ANKK1: variants seen among roughly 807,000 people sequenced by gnomAD.
The protein encoded by ANKK1 is ankyrin repeat and kinase domain containing 1.
Under a neutral mutation model 37.6 loss-of-function variants are expected in ANKK1, and 37 were observed. The observed-to-expected ratio is 0.98, with a 90% CI of 0.76 to 1.29. The LOEUF is 1.29. ANKK1 is among the 50% of genes most tolerant of loss of function. The pLI, the probability that ANKK1 is intolerant of heterozygous loss-of-function variation, is 0.00. For missense variants in ANKK1, 1,019 were observed against 990.6 expected (o/e 1.03, Z -0.39); for synonymous variants, 415 against 418.7 (o/e 0.99, Z 0.11).
At chr11:113,393,354 C>CTTCCA in intron 1 of ANKK1, 127 bp from the exon 2 acceptor site, 2 of 985,628 alleles carry the variant, frequency 2.0e-6, no homozygotes, top group South Asian at 3.3e-5. Context: ...TCTTCCACTA[C>CTTCCA]CTTGCAAGCT....
rs779530025 is a variant in ANKK1, at chr11:113,399,712, G to A, written c.1743G>A (p.Arg581=). Residue 581 remains arginine (R), a synonymous_variant, in exon 8 of 8, where the codon AGG becomes AGA. Transcript: ENST00000303941. Reference sequence around the variant, plus strand: ...ACCTGATCTGCAAGATGCTGCTCAGGTACGGAGCCAGCCTTGAGCTGCCCA... The same window carrying A: ...ACCTGATCTGCAAGATGCTGCTCAGATACGGAGCCAGCCTTGAGCTGCCCA... The part of the protein sequence containing the change: ...GKYLICKMLL[R]YGASLELPTH... 21 of 1,598,764 alleles carry A rather than the reference G, an allele frequency of 1.3e-5. No homozygotes were observed. In the East Asian group the frequency reaches 4.8e-4, roughly 36 times the overall value.
Position 113,400,141 on chromosome 11 carries a change from G to T in ANKK1, c.2172G>T (p.Val724=), listed in dbSNP as rs1362991327. 1 of 1,607,530 alleles carries T rather than the reference G, an allele frequency of 6.2e-7. No individual in the cohort carries two copies. Among genetic ancestry groups the T allele is most frequent in the Admixed American group, 1.7e-5 (1 of 59,056 alleles). Residue 724 remains valine, a synonymous_variant, in exon 8 of 8, where the codon GTG becomes GTT. Transcript: ENST00000303941. The part of the protein sequence containing the change: ...AGAQLDVQDG[V]SCTPLQLALR... ...CCCAGCTGGACGTCCAGGATGGAGT[G>T]AGCTGCACACCCCTGCAACTGGCCC... is the stretch of plus-strand genomic sequence containing the variant.
rs761119338 is a variant in ANKK1 at position 113,393,814 on chromosome 11, A to G, written c.480+39A>G. 5 of 1,551,108 alleles carry G rather than the reference A, an allele frequency of 3.2e-6. No individual in the cohort carries two copies. The South Asian group carries it at 6.1e-5, about 19-fold the overall frequency. ...CCAATCCTCCGCTCCCTTTCACTTG[A>G]GGGTTGCCTCCAGGTGAGCAGAATT... On this transcript the variant is annotated intron_variant, in intron 2 of 7. Coordinates refer to ENST00000303941, the MANE Select transcript of ANKK1 (RefSeq NM_178510.2).
intron 1 of ANKK1, 143 bp downstream of exon 1, chr11:113,388,212 A>G: frequency 8.8e-7 from 1 of 1,139,468 alleles, no homozygotes; most frequent in Non-Finnish European, 1.2e-6. Context: ...TCCACCCAGT[A>G]GCCTGAGCCT....
At chr11:113,388,740 C>T (rs1950566312) in intron 1 of ANKK1, among the ~76,000 whole-genome samples, 1 of 152,234 alleles carries the variant, frequency 6.6e-6, no homozygotes, top group African/African-American at 2.4e-5. Context: ...CTCTTCCTAC[C>T]TCTTTCCTAC....
rs565039039 is a variant in ANKK1, at chr11:113,389,371, C to T, written c.185+1302C>T. Among the ~76,000 whole-genome samples, 7 of 152,286 alleles carry T rather than the reference C, an allele frequency of 4.6e-5. No homozygotes were observed. In the South Asian group the frequency reaches 1.5e-3, roughly 32 times the overall value. ...CTTTACGTGCATTACTTTACTAGAT[C>T]CTCTTTCCAGCTATTCATTCATTCA... On this transcript the variant is annotated intron_variant, in intron 1 of 7. Coordinates refer to ENST00000303941, the MANE Select transcript of ANKK1 (RefSeq NM_178510.2).
Position 113,399,927 on chromosome 11 carries a change from A to G in ANKK1, c.1958A>G (p.Asn653Ser), listed in dbSNP as rs55849504. The change falls in exon 8 of 8, where the codon AAT becomes AGT. Residue 653 changes from asparagine (N) to serine (S), a missense_variant. Coordinates refer to ENST00000303941, the MANE Select transcript of ANKK1 (RefSeq NM_178510.2). ...SALLQCGADP[N>S]AAEQSGWTPL... Reference sequence around the variant, plus strand: ...CTGCTGCAGTGTGGGGCTGACCCCAATGCTGCAGAGCAGTCAGGCTGGACA... The same window carrying G: ...CTGCTGCAGTGTGGGGCTGACCCCAGTGCTGCAGAGCAGTCAGGCTGGACA... The G allele has an allele frequency of 1.4e-4, 230 of 1,613,580 alleles. No homozygotes were observed. In the African/African-American group the frequency reaches 2.4e-3, roughly 17 times the overall value.
At position 113,393,211 on chromosome 11, in the gene ANKK1, T is replaced by C. The variant is rs569959437; in HGVS notation, c.186-270T>C. Among the ~76,000 whole-genome samples the C allele has an allele frequency of 9.8e-5, 15 of 152,300 alleles. No individual in the cohort carries two copies. In the South Asian group the frequency reaches 2.1e-3, roughly 21 times the overall value. The stretch of plus-strand genomic sequence containing the variant: ...AACTAGAATAAAGGGCAAACTGTGA[T>C]ACCTGCTTTTTTGTGGCCACCTTTG... On this transcript the variant is annotated intron_variant, in intron 1 of 7. Coordinates refer to ENST00000303941, the MANE Select transcript of ANKK1 (RefSeq NM_178510.2).
chr11:113,393,915 A>T, intron 2 of ANKK1, 140 bp downstream of exon 2: 2 of 1,079,382 alleles, frequency 1.9e-6, no homozygotes, highest in African/African-American at 3.2e-5. Context: ...CAGGGATCAC[A>T]CTGCAATAGA....
intron 6 of ANKK1, 94 bp from the exon 7 acceptor site, chr11:113,397,886 C>T (rs763227136): frequency 3.4e-5 from 47 of 1,382,900 alleles, no homozygotes; most frequent in Non-Finnish European, 4.6e-5. Context: ...CTGACAGTGA[C>T]CGGGAAGGTT....
At chr11:113,388,999 C>T (rs116301531) in intron 1 of ANKK1, among the ~76,000 whole-genome samples, 2,749 of 152,220 alleles carry the variant, frequency 0.018, 83 homozygotes, top group African/African-American at 0.062. Flanking sequence ...ACCATGCAAA[C>T]TCTTAAGATA....
chr11:113,397,089 C>G, intron 5 of ANKK1, 135 bp from the exon 6 acceptor site: 1 of 713,458 alleles, frequency 1.4e-6, no homozygotes, highest in Non-Finnish European at 2.3e-6. Flanking sequence ...CCTGCCTTCT[C>G]GTGCATTTAT....
Position 113,394,819 on chromosome 11 carries a change from C to T in ANKK1, c.481-110C>T. The T allele has an allele frequency of 2.1e-6, 3 of 1,460,576 alleles. No homozygotes were observed. In the South Asian group the frequency reaches 3.7e-5, roughly 18 times the overall value. 90.5% of individuals were successfully genotyped at this position (1,460,576 alleles called of 1,614,324 possible). A position where few individuals can be genotyped will look rare whatever the true frequency, so the allele number is the denominator to read the frequency against. On this transcript the variant is annotated intron_variant, in intron 2 of 7. Coordinates refer to ENST00000303941, the MANE Select transcript of ANKK1 (RefSeq NM_178510.2). ...TGCTAGGAGGGAGTGTCATAGAAAACCACTACTCTACCCTGGAACAGGCAG... is the reference window on the plus strand; with the variant it reads ...TGCTAGGAGGGAGTGTCATAGAAAATCACTACTCTACCCTGGAACAGGCAG...
chr11:113,395,259 G>T, intron 3 of ANKK1, 100 bp from the exon 4 acceptor site: 1 of 1,532,050 alleles, frequency 6.5e-7, no homozygotes, highest in East Asian at 2.3e-5. Context: ...AGGCTTGCCT[G>T]GGACTGTGTG....
rs769090343 is a variant in ANKK1, at chr11:113,398,948, A to G, written c.995-16A>G. 8.4e-6 allele frequency: 13 copies of G among 1,550,070 alleles called. No homozygotes were observed. The East Asian group carries it at 2.7e-4, about 32-fold the overall frequency. ...GTCACAGGTCTTTTTTTTCAACCCC[A>G]TCTTTCTCCCAGCAGACTCAGGAAA... On this transcript the variant is annotated splice_polypyrimidine_tract_variant and intron_variant, in intron 7 of 7. Transcript: ENST00000303941.
chr11:113,395,917 G>T, intron 4 of ANKK1, 150 bp from the exon 5 acceptor site: 3 of 908,048 alleles, frequency 3.3e-6, no homozygotes, highest in Admixed American at 2.7e-5. Flanking sequence ...CCTCAAGTTG[G>T]TTGAAAGTCT....
rs748655600 is a variant in ANKK1 at position 113,399,325 on chromosome 11, CT to C, written c.1357del (p.Cys453ValfsTer61). ...CGCGCCTGCTCCTGGACCACGGGGC[CT>C]GTGTGGATGCCCAGGAACGTGAAGG... Reference protein sequence around the residue: ...TARLLLDHGACVDAQEREGWT... With the variant: ...TARLLLDHGAXVDAQEREGWT... On this transcript the variant is annotated frameshift_variant, in exon 8 of 8. Coordinates refer to ENST00000303941, the MANE Select transcript of ANKK1 (RefSeq NM_178510.2). LOFTEE classifies it low-confidence loss of function (END_TRUNC). 2 of 1,600,556 alleles carry C rather than the reference CT, an allele frequency of 1.2e-6. No individual in the cohort carries two copies. The highest frequency in any genetic ancestry group is 2.3e-5 in the East Asian group (1 of 44,302).
intron 6 of ANKK1, 42 bp from the exon 7 acceptor site, chr11:113,397,938 C>T (rs45612940): frequency 3.4e-5 from 52 of 1,551,196 alleles, no homozygotes; most frequent in Admixed American, 2.0e-4. Context: ...GCTAGAACTG[C>T]GCCACTGATC....
Position 113,388,023 on chromosome 11 carries a change from G to A in ANKK1, c.139G>A (p.Glu47Lys), listed in dbSNP as rs1183023540. ...GGCGCGGCACAGGCGCTGGCGGACGGAGTACGCCATCAAGTGCGCCCCCTG... is the reference window on the plus strand; with the variant it reads ...GGCGCGGCACAGGCGCTGGCGGACGAAGTACGCCATCAAGTGCGCCCCCTG... The part of the protein sequence containing the change: ...FQARHRRWRT[E>K]YAIKCAPCLP... The change falls in exon 1 of 8, where the codon GAG becomes AAG. Residue 47 changes from glutamate (E) to lysine (K), a missense_variant. Physicochemically the swap from Glu to Lys is moderately conservative, Grantham distance 56. Coordinates refer to ENST00000303941, the MANE Select transcript of ANKK1 (RefSeq NM_178510.2). 3 of 1,554,352 alleles carry A rather than the reference G, an allele frequency of 1.9e-6. No homozygotes were observed. Among genetic ancestry groups the A allele is most frequent in the Middle Eastern group, 1.7e-4 (1 of 5,896 alleles).
Sources: gnomAD v4.1 joint callset for allele counts (sites outside exome capture counted in the v4.1 genomes callset) on GRCh38, gnomAD v4.1.1 for gene constraint, MANE v1.5 for transcripts, NCBI Gene and HGNC (gene_info 2026-07-23, HGNC 2026-07-21) for gene names.